SUCLG2: variants seen among roughly 807,000 people sequenced by gnomAD.
SUCLG2 encodes the protein succinate-CoA ligase GDP-forming subunit beta.
A neutral mutation model predicts 47.9 loss-of-function variants in SUCLG2; 42 were observed. The observed-to-expected ratio is 0.88, with a 90% CI of 0.69 to 1.14. The LOEUF is 1.14. Among genes scored for constraint, SUCLG2 ranks in the 50% most tolerant of loss-of-function variants. SUCLG2 has a pLI of 0.00. For missense variants in SUCLG2, 571 were observed against 525.9 expected (o/e 1.09, Z -0.84); for synonymous variants, 195 against 197.3 (o/e 0.99, Z 0.10).
intron 9 of SUCLG2, among the ~76,000 whole-genome samples, chr3:67,492,787 A>C (rs1298878765): frequency 6.6e-6 from 1 of 152,208 alleles, no homozygotes; most frequent in Non-Finnish European, 1.5e-5. Context: ...GAAACGTATT[A>C]GTTGTAGAGA....
intron 2 of SUCLG2, among the ~76,000 whole-genome samples, chr3:67,593,616 C>T (rs1708225691): frequency 6.6e-6 from 1 of 152,154 alleles, no homozygotes; most frequent in African/African-American, 2.4e-5. Flanking sequence ...CAGCTGATCT[C>T]TTTCTCACTT....
rs1204063567 is a variant in SUCLG2, at chr3:67,444,229, T to C, written c.1063-43378A>G. Among the ~76,000 whole-genome samples, 3 of 33,284 alleles carry C rather than the reference T, an allele frequency of 9.0e-5. No individual in the cohort carries two copies. The South Asian group carries it at 6.6e-3, about 73-fold the overall frequency. The allele number at this position is 33,284 out of a possible 152,430, so 21.8% of individuals were successfully genotyped here. A position where few individuals can be genotyped will look rare whatever the true frequency, so the allele number is the denominator to read the frequency against. On this transcript the variant is annotated intron_variant, in intron 9 of 10. Transcript: ENST00000307227. ...AGGGGCGCCTCTGCCCGGCCGCCCC[T>C]ACTGGGAAGTGAGGAGCCCCTCAGC...
chr3:67,497,283 A>C (rs1167042470), intron 8 of SUCLG2, among the ~76,000 whole-genome samples: 1 of 152,166 alleles, frequency 6.6e-6, no homozygotes, highest in Non-Finnish European at 1.5e-5. Flanking sequence ...ATGAGCTACA[A>C]ATCATTTTTA....
intron 10 of SUCLG2, among the ~76,000 whole-genome samples, chr3:67,384,788 T>C (rs1201535261): frequency 1.3e-5 from 2 of 152,220 alleles, no homozygotes; most frequent in Non-Finnish European, 2.9e-5. Flanking sequence ...GGAAAGATCA[T>C]AGAACTCTTT....
At chr3:67,493,387 A>G (rs1705252247) in intron 9 of SUCLG2, among the ~76,000 whole-genome samples, 1 of 152,198 alleles carries the variant, frequency 6.6e-6, no homozygotes, top group Non-Finnish European at 1.5e-5. Context: ...ACCTTTATCT[A>G]CCCAAGATGA....
chr3:67,557,319 G>A, intron 2 of SUCLG2, among the ~76,000 whole-genome samples: 1 of 152,112 alleles, frequency 6.6e-6, no homozygotes, highest in East Asian at 1.9e-4. Context: ...TCGTTCTGAT[G>A]TTTCTAATGA....
intron 9 of SUCLG2, among the ~76,000 whole-genome samples, chr3:67,477,604 A>G (rs1316329758): frequency 2.6e-5 from 4 of 152,206 alleles, no homozygotes; most frequent in African/African-American, 9.6e-5. Context: ...CTGAGGCAGG[A>G]GAATCACTTG....
intron 2 of SUCLG2, among the ~76,000 whole-genome samples, chr3:67,533,509 G>C (rs986009144): frequency 4.6e-5 from 7 of 152,134 alleles, no homozygotes; most frequent in Non-Finnish European, 5.9e-5. Flanking sequence ...AATTGAGAAA[G>C]TTAAATTGTA....
intron 9 of SUCLG2, among the ~76,000 whole-genome samples, chr3:67,438,437 AT>A (rs1575695520): frequency 6.6e-6 from 1 of 152,154 alleles, no homozygotes; most frequent in Non-Finnish European, 1.5e-5. Flanking sequence ...CCCAAAAAAA[AT>A]CAATGAATCC....
intron 1 of SUCLG2, among the ~76,000 whole-genome samples, chr3:67,618,529 A>G (rs1293957271): frequency 6.6e-6 from 1 of 152,208 alleles, no homozygotes. Context: ...TTGGTTAAGT[A>G]GCTTGTCTAA....
intron 2 of SUCLG2, among the ~76,000 whole-genome samples, chr3:67,589,833 C>T (rs1459877208): frequency 6.6e-6 from 1 of 152,162 alleles, no homozygotes; most frequent in Non-Finnish European, 1.5e-5. Flanking sequence ...ATCCCTAATC[C>T]CTGTGCTACA....
At chr3:67,540,257 T>G (rs1305448806) in intron 2 of SUCLG2, among the ~76,000 whole-genome samples, 3 of 152,064 alleles carry the variant, frequency 2.0e-5, no homozygotes, top group Admixed American at 6.6e-5. Context: ...TCTGGTACGT[T>G]GTGTCTTTGT....
intron 6 of SUCLG2, among the ~76,000 whole-genome samples, chr3:67,510,802 G>T (rs1460297304): frequency 4.6e-5 from 7 of 151,500 alleles, no homozygotes; most frequent in Non-Finnish European, 7.4e-5. Context: ...ACATACATGT[G>T]ATTAAACATT....
intron 1 of SUCLG2, among the ~76,000 whole-genome samples, chr3:67,649,380 A>G (rs1701246918): frequency 6.6e-6 from 1 of 152,226 alleles, no homozygotes; most frequent in Admixed American, 6.5e-5. Flanking sequence ...TTCTATAAAG[A>G]ATGAGCTGTA....
At chr3:67,520,680 T>C in intron 4 of SUCLG2, 46 bp from the exon 5 acceptor site, 1 of 1,561,512 alleles carries the variant, frequency 6.4e-7, no homozygotes, top group Non-Finnish European at 8.7e-7. Context: ...ATTAAGCTGA[T>C]TTCTACTTGG....
At chr3:67,447,446 G>A (rs764569819) in intron 9 of SUCLG2, among the ~76,000 whole-genome samples, 42 of 152,246 alleles carry the variant, frequency 2.8e-4, no homozygotes, top group African/African-American at 9.6e-4. Flanking sequence ...GATGCAGGTA[G>A]CTACAAAAAT....
intron 9 of SUCLG2, among the ~76,000 whole-genome samples, chr3:67,474,536 A>G (rs1704694687): frequency 6.6e-6 from 1 of 152,174 alleles, no homozygotes; most frequent in African/African-American, 2.4e-5. Context: ...GTCTTCCTAT[A>G]TTTGCTCAAA....
intron 2 of SUCLG2, among the ~76,000 whole-genome samples, chr3:67,531,241 G>A (rs191039347): frequency 5.8e-4 from 89 of 152,206 alleles, no homozygotes; most frequent in Non-Finnish European, 1.1e-3. Context: ...GACATCAAGT[G>A]GAAAAAATAC....
chr3:67,609,002 C>A (rs1294162350), intron 2 of SUCLG2, among the ~76,000 whole-genome samples: 1 of 152,136 alleles, frequency 6.6e-6, no homozygotes, highest in Non-Finnish European at 1.5e-5. Flanking sequence ...GACACTTAGG[C>A]CAAGTGCCTC....
Sources: allele counts gnomAD v4.1 joint callset (sites outside exome capture counted in the v4.1 genomes callset), GRCh38; gene constraint gnomAD v4.1.1; transcripts MANE v1.5; gene names NCBI Gene and HGNC (gene_info 2026-07-23, HGNC 2026-07-21).